VSTM4: variants seen among roughly 807,000 people sequenced by gnomAD.
VSTM4 encodes the protein V-set and transmembrane domain-containing protein 4.
VSTM4 carries 20 observed loss-of-function variants against 36.4 expected under a neutral mutation model. The observed-to-expected ratio is 0.55, with a 90% CI of 0.39 to 0.80. VSTM4 has a LOEUF of 0.80. Ranked by LOEUF, VSTM4 falls within the 30% of genes least tolerant of loss-of-function variation. VSTM4 has a pLI of 0.00. For synonymous variants in VSTM4, 182 were observed against 173.9 expected, an observed-to-expected ratio of 1.05 and a Z score of -0.37; for missense variants, 392 against 404.5, an observed-to-expected ratio of 0.97 and a Z score of 0.26.
intron 3 of VSTM4, among the ~76,000 whole-genome samples, chr10:49,081,771 C>T (rs756428431): frequency 7.9e-5 from 12 of 152,218 alleles, no homozygotes; most frequent in African/African-American, 2.7e-4. Context: ...CTCCTGCCTG[C>T]GTGTGGCTCC....
chr10:49,063,130 C>T (rs1041490095), intron 5 of VSTM4, among the ~76,000 whole-genome samples: 37 of 151,678 alleles, frequency 2.4e-4, no homozygotes, highest in African/African-American at 8.2e-4. Context: ...CCTGAGGTCA[C>T]GAGTTTGAGA....
intron 7 of VSTM4, among the ~76,000 whole-genome samples, chr10:49,037,062 G>A (rs1424239759): frequency 6.6e-6 from 1 of 152,234 alleles, no homozygotes; most frequent in East Asian, 1.9e-4. Context: ...ATACGGATGA[G>A]CTGTTCTGGA....
At chr10:49,078,445 A>C (rs1279126624) in intron 3 of VSTM4, among the ~76,000 whole-genome samples, 1 of 152,110 alleles carries the variant, frequency 6.6e-6, no homozygotes, top group Non-Finnish European at 1.5e-5. Flanking sequence ...TCCACACCAC[A>C]GCATCCTCAG....
At chr10:49,037,803 TG>T (rs1451796178) in intron 7 of VSTM4, among the ~76,000 whole-genome samples, 36 of 152,248 alleles carry the variant, frequency 2.4e-4, no homozygotes, top group Admixed American at 2.2e-3. Flanking sequence ...TCAATGGACT[TG>T]AATAGCCATT....
At chr10:49,025,793 C>T (rs543354227) in intron 7 of VSTM4, among the ~76,000 whole-genome samples, 5 of 152,322 alleles carry the variant, frequency 3.3e-5, no homozygotes, top group South Asian at 2.1e-4. Context: ...GAACTGCACC[C>T]GGGGCCGAGA....
At chr10:49,045,490 G>C (rs777679342) in intron 7 of VSTM4, among the ~76,000 whole-genome samples, 2 of 152,160 alleles carry the variant, frequency 1.3e-5, no homozygotes, top group Non-Finnish European at 2.9e-5. Context: ...TGCAAGATTA[G>C]TGGGCAAAAG....
chr10:49,074,429 G>A (rs768219819), intron 4 of VSTM4, among the ~76,000 whole-genome samples: 5 of 152,216 alleles, frequency 3.3e-5, no homozygotes, highest in Non-Finnish European at 7.4e-5. Context: ...AGAGCTGGCT[G>A]GAAATGTAGG....
chr10:49,048,238 C>G (rs1347203408), intron 6 of VSTM4, among the ~76,000 whole-genome samples: 1 of 152,212 alleles, frequency 6.6e-6, no homozygotes, highest in African/African-American at 2.4e-5. Context: ...TAAAGCTATG[C>G]TAGGCCCTTG....
At chr10:49,112,539 C>T (rs1028495471) in intron 1 of VSTM4, among the ~76,000 whole-genome samples, 1 of 152,208 alleles carries the variant, frequency 6.6e-6, no homozygotes, top group East Asian at 1.9e-4. Flanking sequence ...CAAAAGCACC[C>T]TTAAAATACA....
intron 5 of VSTM4, among the ~76,000 whole-genome samples, chr10:49,062,519 G>C (rs1478990470): frequency 6.6e-6 from 1 of 152,208 alleles, no homozygotes; most frequent in African/African-American, 2.4e-5. Flanking sequence ...TGGATTCAGA[G>C]CAGAAATGCA....
intron 7 of VSTM4, among the ~76,000 whole-genome samples, chr10:49,029,404 CCTT>C (rs1441822779): frequency 6.6e-6 from 1 of 152,222 alleles, no homozygotes; most frequent in African/African-American, 2.4e-5. Flanking sequence ...GAGAATTGGT[CCTT>C]CTGAGAACAG....
chr10:49,074,197 TCA>T (rs1268344966), intron 4 of VSTM4, among the ~76,000 whole-genome samples: 1 of 152,290 alleles, frequency 6.6e-6, no homozygotes, highest in Admixed American at 6.5e-5. Context: ...AGAATTTGTC[TCA>T]GTGTGCTATA....
At chr10:49,057,226 G>T (rs1843796401) in intron 5 of VSTM4, among the ~76,000 whole-genome samples, 1 of 152,068 alleles carries the variant, frequency 6.6e-6, no homozygotes, top group Admixed American at 6.5e-5. Context: ...GCCATAACCT[G>T]GATTCAGAAG....
rs983332113 is a variant in VSTM4, at chr10:49,064,872, C to G, written c.635-136G>C. On this transcript the variant is annotated intron_variant, in intron 4 of 7. Transcript: ENST00000332853. ...TATACCACCCAACTCTCAAGACTTG[C>G]ATTCTTCTGTTTGGAAGAGCACAGC... is the stretch of plus-strand genomic sequence containing the variant. 4.7e-6 allele frequency: 4 copies of G among 854,466 alleles called. No homozygotes were observed. The African/African-American group carries it at 6.8e-5, about 15-fold the overall frequency. 52.9% of individuals were successfully genotyped at this position (854,466 alleles called of 1,614,324 possible). A position where few individuals can be genotyped will look rare whatever the true frequency, so the allele number is the denominator to read the frequency against.
chr10:49,104,477 G>A (rs1201452876), intron 2 of VSTM4, among the ~76,000 whole-genome samples: 5 of 152,152 alleles, frequency 3.3e-5, no homozygotes, highest in African/African-American at 1.2e-4. Flanking sequence ...CCCAGCCTGG[G>A]GCGGACAAGC....
At chr10:49,100,122 T>C (rs998610277) in intron 2 of VSTM4, among the ~76,000 whole-genome samples, 1 of 152,106 alleles carries the variant, frequency 6.6e-6, no homozygotes, top group Non-Finnish European at 1.5e-5. Context: ...GGTTAACCAG[T>C]AAGGATCATG....
At chr10:49,048,870 C>T (rs2246673) in intron 5 of VSTM4, among the ~76,000 whole-genome samples, 91,880 of 152,040 alleles carry the variant, frequency 0.6, 29,383 homozygotes, top group Middle Eastern at 0.74. Flanking sequence ...AGGGACCCAG[C>T]GTTAGCTTGT....
At chr10:49,021,538 C>G (rs1046387788) in intron 7 of VSTM4, among the ~76,000 whole-genome samples, 2 of 152,108 alleles carry the variant, frequency 1.3e-5, no homozygotes, top group Admixed American at 6.5e-5. Context: ...ACTAGCAAAT[C>G]TGGCAAAGGA....
At chr10:49,079,673 A>G (rs113343113) in intron 3 of VSTM4, among the ~76,000 whole-genome samples, 13 of 152,302 alleles carry the variant, frequency 8.5e-5, no homozygotes, top group Non-Finnish European at 1.9e-4. Flanking sequence ...AAGTGTAACA[A>G]TAAGAACGTG....
Sources: gnomAD v4.1 joint callset for allele counts (sites outside exome capture counted in the v4.1 genomes callset) on GRCh38, gnomAD v4.1.1 for gene constraint, MANE v1.5 for transcripts, NCBI Gene and HGNC (gene_info 2026-07-23, HGNC 2026-07-21) for gene names.